MAPKBP1: variants seen among roughly 807,000 people sequenced by gnomAD.
MAPKBP1 encodes the protein mitogen-activated protein kinase-binding protein 1.
A neutral mutation model predicts 170.5 loss-of-function variants in MAPKBP1; 71 were observed. The observed-to-expected ratio is 0.42, with a 90% CI of 0.34 to 0.51. MAPKBP1 has a LOEUF of 0.51. Among genes scored for constraint, MAPKBP1 ranks in the 20% least tolerant of loss-of-function variants. MAPKBP1 has a pLI of 0.06. For missense variants in MAPKBP1, 1,598 were observed against 1,933.0 expected (o/e 0.83, Z 3.25); for synonymous variants, 719 against 757.9 (o/e 0.95, Z 0.84).
chr15:41,810,817 T>A, intron 3 of MAPKBP1, 66 bp from the exon 4 acceptor site: 1 of 1,391,730 alleles, frequency 7.2e-7, no homozygotes, highest in Non-Finnish European at 1.0e-6. Flanking sequence ...AAGTCCTGGG[T>A]GGCCTGGAGG....
intron 29 of MAPKBP1, 152 bp downstream of exon 29, chr15:41,824,213 T>C: frequency 9.3e-7 from 1 of 1,077,706 alleles, no homozygotes; most frequent in East Asian, 2.4e-5. Context: ...GTCACACCCC[T>C]GATGGTGAGA....
chr15:41,816,842 C>T, intron 13 of MAPKBP1, 68 bp from the exon 14 acceptor site: 1 of 1,549,070 alleles, frequency 6.5e-7, no homozygotes, highest in African/African-American at 1.4e-5. Context: ...TCCCTTGGGG[C>T]TCTTTGCCAG....
intron 2 of MAPKBP1, among the ~76,000 whole-genome samples, chr15:41,794,203 G>T (rs992471891): frequency 5.9e-5 from 9 of 152,180 alleles, no homozygotes; most frequent in African/African-American, 2.2e-4. Context: ...CTGCACTCCA[G>T]CCTGGGTGAC....
Position 41,826,525 on chromosome 15 carries a change from T to TA in MAPKBP1, c.*1090dup, listed in dbSNP as rs2065099079. Reference sequence around the variant, plus strand: ...ACCACCCTGGCTTATGTGGAACACCTATCAGGGAGCAGAAAAGGGGTGCAG... The same window carrying TA: ...ACCACCCTGGCTTATGTGGAACACCTAATCAGGGAGCAGAAAAGGGGTGCAG... On this transcript the variant is annotated 3_prime_UTR_variant, in exon 31 of 31. Coordinates refer to ENST00000457542, the MANE Select transcript of MAPKBP1 (RefSeq NM_014994.3). The TA allele has an allele frequency of 6.6e-6, 1 of 152,056 alleles. No individual in the cohort carries two copies. The highest frequency in any genetic ancestry group is 2.1e-4 in the South Asian group (1 of 4,816). 9.4% of individuals were successfully genotyped at this position (152,056 alleles called of 1,614,324 possible).
rs1019119488 is a variant in MAPKBP1, at chr15:41,819,082, C to T, written c.2291+125C>T. On this transcript the variant is annotated intron_variant, in intron 20 of 30. Coordinates refer to ENST00000457542, the MANE Select transcript of MAPKBP1 (RefSeq NM_014994.3). The stretch of plus-strand genomic sequence containing the variant: ...CTGTCTCCCAAGACCTTACCTCTCA[C>T]ACAAGGATCCATGATGTCAGCCTCT... 18 of 1,483,120 alleles carry T rather than the reference C, an allele frequency of 1.2e-5. No individual in the cohort carries two copies. The Admixed American group carries it at 1.7e-4, about 14-fold the overall frequency. The allele number at this position is 1,483,120 out of a possible 1,614,324, so 91.9% of individuals were successfully genotyped here.
chr15:41,783,387 C>T (rs553712517), intron 2 of MAPKBP1, among the ~76,000 whole-genome samples: 113 of 152,142 alleles, frequency 7.4e-4, no homozygotes, highest in Non-Finnish European at 1.4e-3. Context: ...TCCAGGCTGA[C>T]CTGGATGATG....
At chr15:41,792,721 T>C (rs2064415509) in intron 2 of MAPKBP1, among the ~76,000 whole-genome samples, 2 of 152,218 alleles carry the variant, frequency 1.3e-5, no homozygotes, top group African/African-American at 4.8e-5. Flanking sequence ...TTCATCGGCA[T>C]TTGGGCCTTG....
At chr15:41,815,525 G>A in intron 11 of MAPKBP1, 99 bp from the exon 12 acceptor site, 1 of 1,550,804 alleles carries the variant, frequency 6.4e-7, no homozygotes, top group Non-Finnish European at 8.8e-7. Flanking sequence ...ATTTGGCTGT[G>A]CTCTGTGGTC....
At chr15:41,813,340 G>A (rs763257813) in intron 8 of MAPKBP1, 2 of 1,528,000 alleles carry the variant, frequency 1.3e-6, no homozygotes, top group Non-Finnish European at 9.1e-7. Context: ...AACATAGACA[G>A]CTTCACAGTA....
chr15:41,813,540 G>A (rs2152079286), intron 8 of MAPKBP1, 81 bp from the exon 9 acceptor site: 1 of 1,560,978 alleles, frequency 6.4e-7, no homozygotes, highest in East Asian at 2.2e-5. Context: ...CCTCCTCTTG[G>A]CAGGTGGCTG....
intron 28 of MAPKBP1, 56 bp from the exon 29 acceptor site, chr15:41,823,391 C>T: frequency 1.9e-6 from 3 of 1,564,296 alleles, no homozygotes; most frequent in Non-Finnish European, 2.6e-6. Context: ...TGGGTGTTGG[C>T]ACCTGGGATG....
Position 41,821,991 on chromosome 15 carries a change from G to T in MAPKBP1, c.2912G>T (p.Arg971Leu), listed in dbSNP as rs142133358. The change falls in exon 25 of 31, where the codon CGG (arginine) becomes CTG (leucine). Residue 971 changes from arginine to leucine, a missense_variant. Physicochemically the swap from Arg to Leu is moderately radical, Grantham distance 102 (BLOSUM62 -2). This residue lies in a region of MAPKBP1 where 942 missense variants were observed against 953.2 expected (regional missense o/e 0.99). Coordinates refer to ENST00000457542, the MANE Select transcript of MAPKBP1 (RefSeq NM_014994.3). ...GAGTTCCAAGTGCAGGCTCCAGCCCGGGGAACTCTGGGAAGAGTGTACCCA... is the reference window on the plus strand; with the variant it reads ...GAGTTCCAAGTGCAGGCTCCAGCCCTGGGAACTCTGGGAAGAGTGTACCCA... The part of the protein sequence containing the change: ...TSEFQVQAPA[R>L]GTLGRVYPGS... The T allele has an allele frequency of 6.2e-7, 1 of 1,610,114 alleles. No individual in the cohort carries two copies. Among genetic ancestry groups the T allele is most frequent in the South Asian group, 1.1e-5 (1 of 90,226 alleles).
intron 2 of MAPKBP1, among the ~76,000 whole-genome samples, chr15:41,795,462 A>T (rs1010090888): frequency 3.3e-5 from 5 of 152,140 alleles, no homozygotes; most frequent in African/African-American, 1.2e-4. Flanking sequence ...AGAGGTAGGT[A>T]GCCAGAGGCC....
At chr15:41,798,492 AGGCTGGT>A (rs1419544515) in intron 2 of MAPKBP1, among the ~76,000 whole-genome samples, 1 of 151,980 alleles carries the variant, frequency 6.6e-6, no homozygotes, top group Non-Finnish European at 1.5e-5. Context: ...TATGTTGGCC[AGGCTGGT>A]CTCAAACTTC....
Position 41,816,992 on chromosome 15 carries a change from G to A in MAPKBP1, c.1668G>A (p.Thr556=), listed in dbSNP as rs1044798318. The A allele has an allele frequency of 2.5e-6, 4 of 1,610,432 alleles. No homozygotes were observed. The highest frequency in any genetic ancestry group is 3.4e-6 in the Non-Finnish European group (4 of 1,177,516). Residue 556 remains threonine (T), a synonymous_variant, in exon 14 of 31, where the codon ACG becomes ACA. Coordinates refer to ENST00000457542, the MANE Select transcript of MAPKBP1 (RefSeq NM_014994.3). ...GGCGGGAGTACAGCCTACAGCAGAC[G>A]CTGGACGAACACTCATCCTCCATCA... ...DAGREYSLQQ[T]LDEHSSSITA... is the part of the protein sequence containing the mutation.
intron 9 of MAPKBP1, among the ~76,000 whole-genome samples, chr15:41,814,130 G>A (rs1489255016): frequency 2.6e-5 from 4 of 152,214 alleles, no homozygotes; most frequent in Non-Finnish European, 4.4e-5. Context: ...ATTTATCTAA[G>A]AGGTGAAGGA....
At chr15:41,806,670 C>T (rs2064701625) in intron 3 of MAPKBP1, among the ~76,000 whole-genome samples, 1 of 152,198 alleles carries the variant, frequency 6.6e-6, no homozygotes, top group South Asian at 2.1e-4. Context: ...CCTGCACCCT[C>T]AGGTGCTGAG....
Position 41,819,627 on chromosome 15 carries a change from C to G in MAPKBP1, c.2458C>G (p.Leu820Val), listed in dbSNP as rs755766841. The G allele has an allele frequency of 1.2e-6, 2 of 1,611,898 alleles. No homozygotes were observed. Among genetic ancestry groups the G allele is most frequent in the Admixed American group, 3.3e-5 (2 of 59,956 alleles). ...SVPSPALPRS[L>V]SHWEMSRAQE... The stretch of plus-strand genomic sequence containing the variant: ...CCCCAGCCCAGCTTTGCCCCGAAGC[C>G]TGTCCCACTGGGAGATGAGTCGGGT... The change falls in exon 22 of 31, where the codon CTG becomes GTG. Residue 820 changes from leucine (L) to valine (V), a missense_variant. Leu to Val is a conservative substitution (Grantham distance 32). This residue lies in a region of MAPKBP1 where 942 missense variants were observed against 953.2 expected (regional missense o/e 0.99). Transcript: ENST00000457542.
Position 41,823,156 on chromosome 15 carries a change from G to A in MAPKBP1, c.3532G>A (p.Val1178Met), listed in dbSNP as rs375403313. Residue 1178 changes from valine to methionine, a missense_variant, in exon 28 of 31, where the codon GTG becomes ATG. Coordinates refer to ENST00000457542, the MANE Select transcript of MAPKBP1 (RefSeq NM_014994.3). ...TGACAGCAGCTGGGCTCCCAAGAGA[G>A]TGGCCACAGCCAGCCCCTTTTCTGG... ...NPDSSWAPKR[V>M]ATASPFSGLQ... 1.2e-6 allele frequency: 2 copies of A among 1,613,524 alleles called. No homozygotes were observed. The highest frequency in any genetic ancestry group is 1.1e-5 in the South Asian group (1 of 91,088).
Sources: gnomAD v4.1 joint callset for allele counts (sites outside exome capture counted in the v4.1 genomes callset) on GRCh38, gnomAD v4.1.1 for gene constraint, gnomAD v4.1.1 regional missense constraint, MANE v1.5 for transcripts, NCBI Gene and HGNC (gene_info 2026-07-23, HGNC 2026-07-21) for gene names.